Variants in MED1 observed in about 807,000 individuals in gnomAD.
The protein encoded by MED1 is mediator complex subunit 1.
A neutral mutation model predicts 121.3 loss-of-function variants in MED1; 17 were observed. The observed-to-expected ratio is 0.14, with a 90% CI of 0.10 to 0.21. The LOEUF is 0.21. Ranked by LOEUF, MED1 falls within the 10% of genes least tolerant of loss-of-function variation. MED1 has a pLI of 1.00. For missense variants in MED1, 1,558 were observed against 1,919.4 expected (o/e 0.81, Z 3.52); for synonymous variants, 661 against 694.4 (o/e 0.95, Z 0.76).
chr17:39,407,175 TCCCTCCCTTCCCTCTCCCTACAC>T lies in MED1; in HGVS notation c.*277_*299del. 9.8e-7 allele frequency: 1 copy of T among 1,019,390 alleles called. No individual in the cohort carries two copies. The highest frequency in any genetic ancestry group is 1.2e-6 in the Non-Finnish European group (1 of 852,740). 63.1% of individuals were successfully genotyped at this position (1,019,390 alleles called of 1,614,324 possible). A position where few individuals can be genotyped will look rare whatever the true frequency, so the allele number is the denominator to read the frequency against. Reference sequence around the variant, plus strand: ...TATGAATATTTCCCACAAAACTGTTTCCCTCCCTTCCCTCTCCCTACACCCCTCCCACCCCCCTCCCTTTCTTA... The same window carrying T: ...TATGAATATTTCCCACAAAACTGTTTCCCTCCCACCCCCCTCCCTTTCTTA... On this transcript the variant is annotated 3_prime_UTR_variant, in exon 17 of 17. Transcript: ENST00000300651.
In MED1 at chr17:39,405,046, T is replaced by C; in HGVS notation, c.*2429A>G. ...ACCAGCAGCAGAAGATAGGTAGAAG[T>C]TGACTTCATGTCCTTGCCTTCTTTT... On this transcript the variant is annotated 3_prime_UTR_variant, in exon 17 of 17. Transcript: ENST00000300651. 1.5e-6 allele frequency: 1 copy of C among 645,584 alleles called. No homozygotes were observed. Among genetic ancestry groups the C allele is most frequent in the South Asian group, 3.2e-5 (1 of 31,496 alleles). 40.0% of individuals were successfully genotyped at this position (645,584 alleles called of 1,614,324 possible).
rs553863910 is a variant in MED1 at position 39,449,032 on chromosome 17, CTTTCT to C, written c.26-1133_26-1129del. Reference sequence around the variant, plus strand: ...GTCTCCTTGCACCCAAGGAGTACATCTTTCTTTTCTTTTTTTTTTTTAAGACAGAG... The same window carrying C: ...GTCTCCTTGCACCCAAGGAGTACATCTTTCTTTTTTTTTTTTAAGACAGAG... On this transcript the variant is annotated intron_variant, in intron 1 of 16. Coordinates refer to ENST00000300651, the MANE Select transcript of MED1 (RefSeq NM_004774.4). 1.7e-3 allele frequency among the ~76,000 whole-genome samples: 253 copies of C among 151,902 alleles called. 1 individual carries two copies. The highest frequency in any genetic ancestry group is 5.9e-3 in the African/African-American group (246 of 41,438).
In MED1 at chr17:39,440,786, G is replaced by T. The variant is rs780957883; in HGVS notation, c.212-109C>A. On this transcript the variant is annotated intron_variant, in intron 3 of 16. Transcript: ENST00000300651. This position sits in a 1 kb window ranked among gnomAD's most constrained non-coding sequence, Gnocchi z 4.1. ...TCCAAAACCGTAAACATATTCAGTAGTTCAAATGCTTGTAATTTACATAAA... is the reference window on the plus strand; with the variant it reads ...TCCAAAACCGTAAACATATTCAGTATTTCAAATGCTTGTAATTTACATAAA... 16 of 1,041,130 alleles carry T rather than the reference G, an allele frequency of 1.5e-5. No homozygotes were observed. Among genetic ancestry groups the T allele is most frequent in the Admixed American group, 2.2e-5 (1 of 44,700 alleles). The allele number at this position is 1,041,130 out of a possible 1,614,324, so 64.5% of individuals were successfully genotyped here.
intron 14 of MED1, among the ~76,000 whole-genome samples, chr17:39,417,306 G>A (rs539808687): frequency 2.0e-5 from 3 of 150,368 alleles, no homozygotes; most frequent in Admixed American, 1.3e-4. Context: ...CTCCAGCCTG[G>A]GTGACCAAGC....
At chr17:39,419,449 C>T (rs547705538) in intron 14 of MED1, among the ~76,000 whole-genome samples, 2 of 151,414 alleles carry the variant, frequency 1.3e-5, no homozygotes, top group South Asian at 2.1e-4. Context: ...GCTCTGTCAC[C>T]CAGGCTGGAG....
In MED1 at chr17:39,414,693, C is replaced by T. The variant is rs114792264; in HGVS notation, c.1499+333G>A. ...TTTTTTTACAACAAAAACAAAAACACGGAGTCTTGCTCTGTCGTCAGGCTG... is the reference window on the plus strand; with the variant it reads ...TTTTTTTACAACAAAAACAAAAACATGGAGTCTTGCTCTGTCGTCAGGCTG... On this transcript the variant is annotated intron_variant, in intron 16 of 16. Coordinates refer to ENST00000300651, the MANE Select transcript of MED1 (RefSeq NM_004774.4). 2.9e-3 allele frequency among the ~76,000 whole-genome samples: 310 copies of T among 107,318 alleles called. 2 individuals carry two copies. The highest frequency in any genetic ancestry group is 4.2e-3 in the Non-Finnish European group (241 of 56,804). 70.4% of individuals were successfully genotyped at this position (107,318 alleles called of 152,430 possible).
At chr17:39,429,589 G>A (rs1198645536) in intron 9 of MED1, among the ~76,000 whole-genome samples, 2 of 151,414 alleles carry the variant, frequency 1.3e-5, no homozygotes, top group Non-Finnish European at 2.9e-5. Flanking sequence ...CCAGCTACAT[G>A]GGAGGCTGAG....
At chr17:39,436,662 T>C (rs1003719682) in intron 6 of MED1, among the ~76,000 whole-genome samples, 3 of 152,160 alleles carry the variant, frequency 2.0e-5, no homozygotes, top group African/African-American at 7.2e-5. Context: ...ATGAAACAAT[T>C]TTTCCCAAAA....
At position 39,413,931 on chromosome 17, in the gene MED1, A is replaced by C. The variant is rs532325779; in HGVS notation, c.1499+1095T>G. Among the ~76,000 whole-genome samples the C allele has an allele frequency of 8.9e-4, 134 of 149,894 alleles. 1 individual carries two copies. Among genetic ancestry groups the C allele is most frequent in the Middle Eastern group, 6.8e-3 (2 of 292 alleles). ...TATCATTAAAAAAAAAAAAAAAAAA[A>C]AAAAAACAAAGCTGGCTGTGTGCAG... On this transcript the variant is annotated intron_variant, in intron 16 of 16. Coordinates refer to ENST00000300651, the MANE Select transcript of MED1 (RefSeq NM_004774.4).
chr17:39,443,000 T>A (rs2048694357), intron 3 of MED1, among the ~76,000 whole-genome samples: 1 of 142,118 alleles, frequency 7.0e-6, no homozygotes, highest in African/African-American at 2.6e-5. Context: ...AGGTATCTTT[T>A]TTTTTTTTTT....
At chr17:39,447,732 G>A (rs2144777707) in intron 2 of MED1, 66 bp downstream of exon 2, 1 of 1,155,324 alleles carries the variant, frequency 8.7e-7, no homozygotes, top group Non-Finnish European at 1.3e-6. Flanking sequence ...ATCTACATGG[G>A]GAGCTTAGCG....
Position 39,407,131 on chromosome 17 carries a change from A to C in MED1, c.*344T>G. Reference sequence around the variant, plus strand: ...TTTAAAACATGGCCTAAAAATGGAAAAAGGGAGAAGAAAATATATATGAAT... The same window carrying C: ...TTTAAAACATGGCCTAAAAATGGAACAAGGGAGAAGAAAATATATATGAAT... On this transcript the variant is annotated 3_prime_UTR_variant, in exon 17 of 17. Coordinates refer to ENST00000300651, the MANE Select transcript of MED1 (RefSeq NM_004774.4). 9.9e-7 allele frequency: 1 copy of C among 1,008,638 alleles called. No individual in the cohort carries two copies. Among genetic ancestry groups the C allele is most frequent in the Non-Finnish European group, 1.2e-6 (1 of 845,070 alleles). The allele number at this position is 1,008,638 out of a possible 1,614,324, so 62.5% of individuals were successfully genotyped here. A position where few individuals can be genotyped will look rare whatever the true frequency, so the allele number is the denominator to read the frequency against.
chr17:39,427,556 AAC>A, intron 10 of MED1, 143 bp downstream of exon 10: 1 of 587,434 alleles, frequency 1.7e-6, no homozygotes, highest in Non-Finnish European at 3.1e-6. Context: ...TGTACTTGTG[AAC>A]ACACATATAC....
At position 39,406,319 on chromosome 17, in the gene MED1, G is replaced by A; in HGVS notation, c.*1156C>T. The A allele has an allele frequency of 2.0e-6, 2 of 985,510 alleles. No individual in the cohort carries two copies. Among genetic ancestry groups the A allele is most frequent in the African/African-American group, 1.7e-5 (1 of 57,316 alleles). The allele number at this position is 985,510 out of a possible 1,614,324, so 61.0% of individuals were successfully genotyped here. On this transcript the variant is annotated 3_prime_UTR_variant, in exon 17 of 17. Transcript: ENST00000300651. ...TGTTTTATCTCAGGGAGCATACAGT[G>A]GAGTGATTAAAGTTTGGACTCCTTC...
At chr17:39,431,271 G>T in intron 8 of MED1, 83 bp from the exon 9 acceptor site, 3 of 1,108,390 alleles carry the variant, frequency 2.7e-6, no homozygotes, top group Non-Finnish European at 3.9e-6. Context: ...TCACCTCTCC[G>T]AAGTCTTGTC....
chr17:39,408,240 G>A lies in MED1; in HGVS notation c.3981C>T (p.Gly1327=). The change falls in exon 17 of 17, where the codon GGC becomes GGT. Residue 1327 remains glycine (G), a synonymous_variant. Transcript: ENST00000300651. This position sits in a 1 kb window ranked among gnomAD's most constrained non-coding sequence, Gnocchi z 4.7. ...SGPGGEDPLD[G]QMGVSTNSSS... is the part of the protein sequence containing the mutation. ...AAGAATTTGTGCTCACCCCCATCTG[G>A]CCGTCCAGTGGGTCTTCACCCCCAG... 1 of 1,614,026 alleles carries A rather than the reference G, an allele frequency of 6.2e-7. No individual in the cohort carries two copies. The highest frequency in any genetic ancestry group is 2.2e-5 in the East Asian group (1 of 44,872).
At position 39,407,511 on chromosome 17, in the gene MED1, A is replaced by G; in HGVS notation, c.4710T>C (p.Asp1570=). The G allele has an allele frequency of 6.2e-7, 1 of 1,612,448 alleles. No homozygotes were observed. The highest frequency in any genetic ancestry group is 1.1e-5 in the South Asian group (1 of 90,806). Residue 1570 remains aspartate (D), a synonymous_variant, in exon 17 of 17, where the codon GAT becomes GAC. Coordinates refer to ENST00000300651, the MANE Select transcript of MED1 (RefSeq NM_004774.4). The part of the protein sequence containing the change: ...LSPDFMIGEE[D]DDLMDVALIG... ...TCAGGGCCACATCCATAAGATCATC[A>G]TCTTCCTCCCCAATCATAAAGTCTG...
At chr17:39,425,101 G>A (rs764488889) in intron 10 of MED1, among the ~76,000 whole-genome samples, 10 of 152,002 alleles carry the variant, frequency 6.6e-5, no homozygotes, top group Admixed American at 1.3e-4. Context: ...GGATGGTCTC[G>A]ATCTCTTGAC....
chr17:39,407,652 TTTC>T lies in MED1; in HGVS notation c.4566_4568del (p.Lys1524del). 6.2e-7 allele frequency: 1 copy of T among 1,614,192 alleles called. No individual in the cohort carries two copies. The highest frequency in any genetic ancestry group is 8.5e-7 in the Non-Finnish European group (1 of 1,180,030). On this transcript the variant is annotated inframe_deletion, in exon 17 of 17. Coordinates refer to ENST00000300651, the MANE Select transcript of MED1 (RefSeq NM_004774.4). ...TCTCTGGCTTGATGCTATGAGATTT[TTTC>T]TTGTCTCGGTCTTTGTCCCGGTCTC...
Sources: gnomAD v4.1 joint callset for allele counts (sites outside exome capture counted in the v4.1 genomes callset) on GRCh38, gnomAD v4.1.1 for gene constraint, Gnocchi (gnomAD v3.1) non-coding constraint, MANE v1.5 for transcripts, NCBI Gene and HGNC (gene_info 2026-07-23, HGNC 2026-07-21) for gene names.